CAST: variants seen among roughly 807,000 people sequenced by gnomAD.
CAST encodes MIR583 host.
Under a neutral mutation model 119.6 loss-of-function variants are expected in CAST, and 76 were observed. That is an observed-to-expected ratio of 0.64 (90% CI 0.53 to 0.77). The LOEUF is 0.77. CAST is among the 30% of genes least tolerant of loss of function. The pLI, the probability that CAST is intolerant of heterozygous loss-of-function variation, is 0.00. For missense variants in CAST, 953 were observed against 946.5 expected (o/e 1.01, Z -0.09); for synonymous variants, 319 against 331.6 (o/e 0.96, Z 0.41).
At chr5:96,414,345 G>A in the CAST span, among the ~76,000 whole-genome samples, 3 of 152,094 alleles carry the variant, frequency 2.0e-5, no homozygotes, top group Non-Finnish European at 4.4e-5. Flanking sequence ...ACCATTTGAG[G>A]TGGGTGCCGT....
At chr5:96,431,114 A>G in the CAST span, among the ~76,000 whole-genome samples, 1 of 152,142 alleles carries the variant, frequency 6.6e-6, no homozygotes, top group Non-Finnish European at 1.5e-5. Flanking sequence ...GTCCACCCCC[A>G]TAGGTCATAC....
the CAST span, among the ~76,000 whole-genome samples, chr5:96,226,772 A>T: frequency 1.3e-5 from 2 of 152,228 alleles, no homozygotes; most frequent in Admixed American, 6.5e-5. Context: ...TTTCTCCCCC[A>T]CTTGTTCTAC....
chr5:95,988,385 G>A, the CAST span, among the ~76,000 whole-genome samples: 3 of 152,106 alleles, frequency 2.0e-5, no homozygotes, highest in Non-Finnish European at 4.4e-5. Context: ...GTGTGTGTGC[G>A]TGAGTGTGTG....
the CAST span, among the ~76,000 whole-genome samples, chr5:95,990,788 G>C: frequency 6.6e-6 from 1 of 151,870 alleles, no homozygotes; most frequent in Non-Finnish European, 1.5e-5. Flanking sequence ...ACCCAGGCTA[G>C]AATGCAGTGG....
chr5:96,344,302 T>C, the CAST span, among the ~76,000 whole-genome samples: 1 of 152,188 alleles, frequency 6.6e-6, no homozygotes, highest in Non-Finnish European at 1.5e-5. Context: ...ATGGATATAT[T>C]CAAATGTGTG....
At chr5:96,526,874 G>A (rs534904097), upstream of CAST, among the ~76,000 whole-genome samples, 1 of 152,242 alleles carries the variant, frequency 6.6e-6, no homozygotes, top group South Asian at 2.1e-4. Flanking sequence ...TTCCAAAGAG[G>A]GTTTTGAGGA....
intron 1 of CAST, among the ~76,000 whole-genome samples, chr5:96,589,250 T>C (rs989453858): frequency 7.2e-5 from 11 of 152,196 alleles, no homozygotes; most frequent in African/African-American, 2.2e-4. Context: ...AAATGTTCAG[T>C]AAACTTTTCA....
chr5:96,222,439 A>C, the CAST span, among the ~76,000 whole-genome samples: 2 of 152,166 alleles, frequency 1.3e-5, no homozygotes, highest in Non-Finnish European at 2.9e-5. Flanking sequence ...TCCCATTAAA[A>C]ATTGGGCAAA....
At chr5:96,299,342 G>C in the CAST span, among the ~76,000 whole-genome samples, 1 of 152,080 alleles carries the variant, frequency 6.6e-6, no homozygotes, top group African/African-American at 2.4e-5. Context: ...TGGGATCAAA[G>C]GCAATGAAGC....
At chr5:96,345,629 T>G in the CAST span, among the ~76,000 whole-genome samples, 3 of 152,298 alleles carry the variant, frequency 2.0e-5, no homozygotes, top group Admixed American at 2.0e-4. Flanking sequence ...CAGGGTCTCA[T>G]GAAGCTGTAA....
chr5:96,178,085 T>G, the CAST span, among the ~76,000 whole-genome samples: 2 of 152,198 alleles, frequency 1.3e-5, no homozygotes, highest in African/African-American at 4.8e-5. Flanking sequence ...AATATACATA[T>G]CTGGACATAA....
chr5:96,063,363 C>G, the CAST span, among the ~76,000 whole-genome samples: 1 of 152,094 alleles, frequency 6.6e-6, no homozygotes, highest in African/African-American at 2.4e-5. Flanking sequence ...TTGGGTGGTC[C>G]AAGTCAGAAG....
the CAST span, among the ~76,000 whole-genome samples, chr5:96,315,506 A>C: frequency 1.3e-5 from 2 of 152,208 alleles, no homozygotes; most frequent in Admixed American, 1.3e-4. Context: ...GGTAGAGAGC[A>C]AGACCAGAAA....
chr5:96,307,811 C>T, the CAST span, among the ~76,000 whole-genome samples: 13 of 152,292 alleles, frequency 8.5e-5, no homozygotes, highest in South Asian at 4.1e-4. Flanking sequence ...GGGTTTCTCC[C>T]GAGAGATCCA....
rs760250850 is a variant in CAST at position 96,722,647 on chromosome 5, T to A, written c.219T>A (p.Ala73=). 1 of 1,612,438 alleles carries A rather than the reference T, an allele frequency of 6.2e-7. No homozygotes were observed. The highest frequency in any genetic ancestry group is 1.1e-5 in the South Asian group (1 of 91,042). Residue 73 remains alanine, a synonymous_variant, in exon 4 of 32, where the codon GCT becomes GCA. Transcript: ENST00000675179. ...GGTASATKVS[A]SSGATSKSSS... is the part of the protein sequence containing the mutation. ...CTTTCTTTCCTTTCTAGGTGTCAGC[T>A]TCCTCTGGTGCAACCAGCAAGTCTT...
the CAST span, among the ~76,000 whole-genome samples, chr5:96,343,593 A>G: frequency 6.6e-6 from 1 of 152,214 alleles, no homozygotes; most frequent in African/African-American, 2.4e-5. Flanking sequence ...TTTGCTACTG[A>G]GAAACACACA....
chr5:96,306,997 G>A, the CAST span, among the ~76,000 whole-genome samples: 1 of 152,092 alleles, frequency 6.6e-6, no homozygotes, highest in Non-Finnish European at 1.5e-5. Flanking sequence ...TCAAGTCCTG[G>A]ATATCTTTGT....
At chr5:96,284,907 C>T in the CAST span, among the ~76,000 whole-genome samples, 4 of 152,158 alleles carry the variant, frequency 2.6e-5, no homozygotes, top group Non-Finnish European at 5.9e-5. Context: ...AACAGTAAAT[C>T]TTTCACTACC....
chr5:96,069,355 ATGTG>A, the CAST span, among the ~76,000 whole-genome samples: 183 of 141,678 alleles, frequency 1.3e-3, no homozygotes, highest in Middle Eastern at 3.6e-3. Context: ...GTGTGTATGT[ATGTG>A]TGTGTGTGTG....
Sources: allele counts gnomAD v4.1 joint callset (sites outside exome capture counted in the v4.1 genomes callset), GRCh38; gene constraint gnomAD v4.1.1; transcripts MANE v1.5; gene names NCBI Gene and HGNC (gene_info 2026-07-23, HGNC 2026-07-21).